Variants in ZFYVE26 observed in about 807,000 individuals in gnomAD.
ZFYVE26 encodes zinc finger FYVE-type containing 26.
In ZFYVE26, 181 loss-of-function variants were observed where a neutral mutation model predicts 276.5. The observed-to-expected ratio is 0.65, with a 90% CI of 0.58 to 0.74. ZFYVE26 has a LOEUF of 0.74. Among genes scored for constraint, ZFYVE26 ranks in the 30% least tolerant of loss-of-function variants. The pLI is 0.00. For synonymous variants in ZFYVE26, 1,129 were observed against 1,203.1 expected (o/e 0.94, Z 1.27); for missense variants, 2,821 against 3,097.9 (o/e 0.91, Z 2.12).
intron 3 of ZFYVE26, among the ~76,000 whole-genome samples, chr14:67,812,760 A>G (rs2040329410): frequency 6.6e-6 from 1 of 152,242 alleles, no homozygotes; most frequent in Admixed American, 6.5e-5. Context: ...TACTGAGGGG[A>G]AAGTTAATTT....
At chr14:67,767,863 T>C in intron 30 of ZFYVE26, 23 bp from the exon 31 acceptor site, 15 of 1,614,140 alleles carry the variant, frequency 9.3e-6, no homozygotes, top group Non-Finnish European at 1.3e-5. Context: ...ATGCCATTCA[T>C]GTGTCATTCA....
chr14:67,729,098 C>T (rs2038229787), intron 14 of ZFYVE26: 3 of 1,306,660 alleles, frequency 2.3e-6, no homozygotes, highest in Non-Finnish European at 2.2e-6. Context: ...TCCTGAGTCC[C>T]TCCTTCTCAC....
At chr14:67,814,930 A>C (rs2140260001) in intron 2 of ZFYVE26, among the ~76,000 whole-genome samples, 1 of 152,304 alleles carries the variant, frequency 6.6e-6, no homozygotes, top group South Asian at 2.1e-4. Flanking sequence ...AGGAAGGAAA[A>C]CCCAAGGAAA....
At chr14:67,762,043 TTATC>T in intron 34 of ZFYVE26, 156 bp downstream of exon 34, 1 of 692,266 alleles carries the variant, frequency 1.4e-6, no homozygotes, top group Non-Finnish European at 2.5e-6. Flanking sequence ...ATATGGTTAC[TTATC>T]TAACTATATG....
intron 10 of ZFYVE26, chr14:67,799,632 CCTTAGGTG>C (rs2040039301): frequency 2.1e-6 from 3 of 1,411,108 alleles, no homozygotes; most frequent in Non-Finnish European, 3.0e-6. Context: ...CTTCAAAGGT[CCTTAGGTG>C]TAAATTGATG....
In ZFYVE26 at chr14:67,806,655, G is replaced by C. The variant is rs146345641; in HGVS notation, c.907C>G (p.Pro303Ala). ...SGKVSPDHLD[P>A]ERAMLALFSN... ...AACAGGGCTAGCATTGCCCGCTCAG[G>C]ATCTAGATGATCCGGTGAGACTGAA... The change falls in exon 6 of 42, where the codon CCT (proline) becomes GCT (alanine). Residue 303 changes from proline to alanine, a missense_variant. Physicochemically the swap from Pro to Ala is conservative, Grantham distance 27 (BLOSUM62 -1). Transcript: ENST00000347230. 1 of 1,614,170 alleles carries C rather than the reference G, an allele frequency of 6.2e-7. No homozygotes were observed.
intron 29 of ZFYVE26, among the ~76,000 whole-genome samples, chr14:67,768,835 T>A (rs548414020): frequency 6.6e-6 from 1 of 152,312 alleles, no homozygotes; most frequent in South Asian, 2.1e-4. Flanking sequence ...CGATCAGTAA[T>A]CATTATGGTA....
At chr14:67,806,396 C>A in intron 6 of ZFYVE26, 149 bp downstream of exon 6, 2 of 923,304 alleles carry the variant, frequency 2.2e-6, no homozygotes, top group East Asian at 2.6e-5. Flanking sequence ...TCTCCTTTCC[C>A]ATGGGACTGT....
chr14:67,735,101 G>T (rs966646911), intron 13 of ZFYVE26: 26 of 761,090 alleles, frequency 3.4e-5, no homozygotes, highest in African/African-American at 1.4e-4. Flanking sequence ...GAGCAGCAAA[G>T]AATGCAAAAG....
chr14:67,804,367 G>A (rs112880811), intron 8 of ZFYVE26, 103 bp from the exon 9 acceptor site: 25 of 1,385,002 alleles, frequency 1.8e-5, no homozygotes, highest in African/African-American at 1.7e-4. Flanking sequence ...GGACCATAAT[G>A]CCACAGGCTT....
At chr14:67,811,452 G>C (rs1282788155) in intron 3 of ZFYVE26, among the ~76,000 whole-genome samples, 1 of 152,118 alleles carries the variant, frequency 6.6e-6, no homozygotes, top group East Asian at 1.9e-4. Flanking sequence ...AGTAGAATTT[G>C]TGGTTTCTTA....
At chr14:67,766,090 A>G (rs1296970043) in intron 32 of ZFYVE26, 137 bp downstream of exon 32, 4 of 886,180 alleles carry the variant, frequency 4.5e-6, no homozygotes, top group Admixed American at 2.0e-5. Context: ...CGTTTCATCA[A>G]CATTACACAG....
Position 67,798,073 on chromosome 14 carries a change from G to A in ZFYVE26, c.2189C>T (p.Ser730Phe). 6.2e-7 allele frequency: 1 copy of A among 1,614,148 alleles called. No homozygotes were observed. The highest frequency in any genetic ancestry group is 8.5e-7 in the Non-Finnish European group (1 of 1,180,016). ...CCACTGGGCCTCAGAGACAACCTTG[G>A]AAAGTCGATGCAGGCGGCTCTGCAG... Reference protein sequence around the residue: ...DGLQSRLHRLSKVVSEAQWRH... With the variant: ...DGLQSRLHRLFKVVSEAQWRH... The change falls in exon 11 of 42, where the codon TCC (serine) becomes TTC (phenylalanine). Residue 730 changes from serine (S) to phenylalanine (F), a missense_variant. Transcript: ENST00000347230.
rs772284826 is a variant in ZFYVE26 at position 67,778,224 on chromosome 14, C to A, written c.4699G>T (p.Gly1567Cys). The change falls in exon 24 of 42, where the codon GGC (glycine) becomes TGC (cysteine). Residue 1567 changes from glycine to cysteine, a missense_variant. Coordinates refer to ENST00000347230, the MANE Select transcript of ZFYVE26 (RefSeq NM_015346.4). ...TCTCTTGGAATGGGGTACAGGCAGCCCCACTCTTCACACAGTTCATACTCC... is the reference window on the plus strand; with the variant it reads ...TCTCTTGGAATGGGGTACAGGCAGCACCACTCTTCACACAGTTCATACTCC... ...AQEYELCEEW[G>C]CLYPIPREHL... 17 of 1,614,136 alleles carry A rather than the reference C, an allele frequency of 1.1e-5. 2 individuals carry two copies. Among genetic ancestry groups the A allele is most frequent in the Middle Eastern group, 1.6e-4 (1 of 6,062 alleles).
At chr14:67,755,022 C>T in intron 37 of ZFYVE26, 29 bp downstream of exon 37, 1 of 1,612,514 alleles carries the variant, frequency 6.2e-7, no homozygotes, top group Non-Finnish European at 8.5e-7. Flanking sequence ...TTCTGCCCCA[C>T]ACCAATAGTC....
At chr14:67,806,821 A>G (rs2040190818) in intron 5 of ZFYVE26, 146 bp from the exon 6 acceptor site, 7 of 956,568 alleles carry the variant, frequency 7.3e-6, no homozygotes, top group Non-Finnish European at 9.4e-6. Context: ...GGTATCTTAA[A>G]GAATCTTTAC....
chr14:67,729,682 A>G, exon 14 of ZFYVE26: 1 of 574,694 alleles, frequency 1.7e-6, no homozygotes, highest in South Asian at 1.6e-5. Context: ...GGAGATCTGG[A>G]TCGTTTTTCT....
At chr14:67,794,090 C>G in intron 13 of ZFYVE26, 81 bp downstream of exon 13, 1 of 1,463,650 alleles carries the variant, frequency 6.8e-7, no homozygotes. Flanking sequence ...CTGCTCAATC[C>G]TGGCTTTACA....
chr14:67,729,410 C>T lies in ZFYVE26; in HGVS notation n.3089G>A, dbSNP rs200959375. On this transcript the variant is annotated non_coding_transcript_exon_variant, in exon 14 of 15. Coordinates refer to the ZFYVE26 transcript ENST00000394455. The stretch of plus-strand genomic sequence containing the variant: ...GTGAAGGCAATGCGGTTCTCTCCAC[C>T]ACCTGTGTGCATGGGAGGTGCCGGA... The T allele has an allele frequency of 2.0e-5, 32 of 1,588,702 alleles. No individual in the cohort carries two copies. In the African/African-American group the frequency reaches 2.7e-4, roughly 13 times the overall value.
Sources: allele counts gnomAD v4.1 joint callset (sites outside exome capture counted in the v4.1 genomes callset), GRCh38; gene constraint gnomAD v4.1.1; transcripts MANE v1.5; gene names NCBI Gene and HGNC (gene_info 2026-07-23, HGNC 2026-07-21).